Variants in ZNF385D observed in about 807,000 individuals in gnomAD.
ZNF385D encodes the protein zinc finger protein 659.
A neutral mutation model predicts 35.8 loss-of-function variants in ZNF385D; 15 were observed. That is an observed-to-expected ratio of 0.42 (90% CI 0.28 to 0.64). The LOEUF is 0.64. ZNF385D is among the 30% of genes least tolerant of loss of function. The probability of loss-of-function intolerance (pLI) is 0.23; values close to 1 mark genes in which losing one functional copy is unlikely to be tolerated. For missense variants in ZNF385D, 474 were observed against 494.6 expected, an observed-to-expected ratio of 0.96 and a Z score of 0.39; for synonymous variants, 212 against 186.8, an observed-to-expected ratio of 1.13 and a Z score of -1.10.
upstream of ZNF385D, among the ~76,000 whole-genome samples, chr3:21,754,847 T>C (rs2070269891): frequency 6.6e-6 from 1 of 152,200 alleles, no homozygotes; most frequent in Non-Finnish European, 1.5e-5. Flanking sequence ...CATTATACAA[T>C]AAATATTTGT....
chr3:21,640,246 T>C (rs1228697775), intron 2 of ZNF385D, among the ~76,000 whole-genome samples: 1 of 152,076 alleles, frequency 6.6e-6, no homozygotes, highest in Non-Finnish European at 1.5e-5. Context: ...TGGGCCTTGT[T>C]CTTTGGTTCC....
chr3:22,136,052 G>A (rs114983259), intron 3 of ZNF385D, among the ~76,000 whole-genome samples: 172 of 152,224 alleles, frequency 1.1e-3, no homozygotes, highest in African/African-American at 4.0e-3. Context: ...GTGACCTAGC[G>A]TTAGTGAAGG....
At chr3:22,114,619 T>C (rs186727097) in intron 3 of ZNF385D, among the ~76,000 whole-genome samples, 82 of 152,214 alleles carry the variant, frequency 5.4e-4, no homozygotes, top group Non-Finnish European at 1.0e-3. Flanking sequence ...TCAATCCCAC[T>C]GGTGGCCATT....
chr3:22,032,767 T>G (rs1248569476), intron 3 of ZNF385D, among the ~76,000 whole-genome samples: 1 of 152,174 alleles, frequency 6.6e-6, no homozygotes, highest in African/African-American at 2.4e-5. Flanking sequence ...TTAATAATAC[T>G]AATGCTTACT....
intron 3 of ZNF385D, among the ~76,000 whole-genome samples, chr3:21,809,072 T>C (rs1051357442): frequency 3.3e-5 from 5 of 152,202 alleles, no homozygotes; most frequent in Non-Finnish European, 7.3e-5. Flanking sequence ...ATTGCTCATC[T>C]TATATAGAAC....
chr3:21,661,765 G>A (rs895916291), intron 2 of ZNF385D, among the ~76,000 whole-genome samples: 1 of 152,072 alleles, frequency 6.6e-6, no homozygotes, highest in Non-Finnish European at 1.5e-5. Context: ...GATCCTGATA[G>A]TCTCATTGAA....
chr3:21,711,330 C>T (rs374164852), intron 1 of ZNF385D, among the ~76,000 whole-genome samples: 2 of 151,982 alleles, frequency 1.3e-5, no homozygotes, highest in African/African-American at 4.8e-5. Flanking sequence ...CATGAGCCAC[C>T]GCGCCCGGCC....
At chr3:22,347,688 T>C (rs1695721465) in intron 2 of ZNF385D, among the ~76,000 whole-genome samples, 1 of 152,192 alleles carries the variant, frequency 6.6e-6, no homozygotes, top group Admixed American at 6.5e-5. Flanking sequence ...TGTTTCACTT[T>C]ATGCATGCCC....
chr3:22,282,221 C>T (rs1172980322), intron 2 of ZNF385D, among the ~76,000 whole-genome samples: 1 of 151,318 alleles, frequency 6.6e-6, no homozygotes, highest in Admixed American at 6.6e-5. Context: ...ATCTGTTGTA[C>T]TGTTTTAATT....
chr3:22,178,627 T>G (rs1694998245), intron 2 of ZNF385D, among the ~76,000 whole-genome samples: 1 of 152,220 alleles, frequency 6.6e-6, no homozygotes, highest in Non-Finnish European at 1.5e-5. Flanking sequence ...TTGCCATTGC[T>G]TTTGGTGTTT....
intron 2 of ZNF385D, among the ~76,000 whole-genome samples, chr3:21,625,316 C>T (rs1354876071): frequency 6.6e-6 from 1 of 151,862 alleles, no homozygotes; most frequent in Admixed American, 6.6e-5. Flanking sequence ...ATGAAATGAT[C>T]CAAAGGAGGA....
At chr3:21,636,406 A>G (rs1354682551) in intron 2 of ZNF385D, among the ~76,000 whole-genome samples, 2 of 43,436 alleles carry the variant, frequency 4.6e-5, no homozygotes, top group African/African-American at 2.0e-4. Context: ...ATATATATAT[A>G]TATATATAGA....
At chr3:21,717,435 T>C (rs2068367251) in intron 1 of ZNF385D, among the ~76,000 whole-genome samples, 1 of 152,160 alleles carries the variant, frequency 6.6e-6, no homozygotes, top group Non-Finnish European at 1.5e-5. Context: ...CTCTCTGAGG[T>C]CCTTGATACA....
chr3:21,812,188 T>A (rs2072949734), intron 3 of ZNF385D, among the ~76,000 whole-genome samples: 1 of 152,082 alleles, frequency 6.6e-6, no homozygotes, highest in Non-Finnish European at 1.5e-5. Flanking sequence ...AAGGGGAAGA[T>A]CTTACAGATT....
rs77788638 is a variant in ZNF385D at position 22,193,557 on chromosome 3, G to T, written c.107-24522C>A. ...TTCCTGTAGAATCTTTACTGTTTTG[G>T]TTTGTATTGTAACTTCAAAATTGAA... On this transcript the variant is annotated intron_variant, in intron 2 of 5. Transcript: ENST00000494108. 4.8e-3 allele frequency among the ~76,000 whole-genome samples: 735 copies of T among 152,036 alleles called. 10 individuals carry two copies. The highest frequency in any genetic ancestry group is 0.017 in the African/African-American group (688 of 41,534).
At chr3:22,244,397 A>G (rs2125318857) in intron 2 of ZNF385D, among the ~76,000 whole-genome samples, 1 of 149,284 alleles carries the variant, frequency 6.7e-6, no homozygotes, top group African/African-American at 2.5e-5. Flanking sequence ...AAAAAATGAA[A>G]ACATAAAACG....
chr3:22,008,581 C>A (rs569562470), intron 3 of ZNF385D, among the ~76,000 whole-genome samples: 24 of 152,254 alleles, frequency 1.6e-4, no homozygotes, highest in African/African-American at 5.8e-4. Flanking sequence ...TGGTCTCGAT[C>A]TCCTGACCTC....
chr3:21,951,030 C>A (rs964202183), intron 3 of ZNF385D, among the ~76,000 whole-genome samples: 1 of 151,666 alleles, frequency 6.6e-6, no homozygotes, highest in Non-Finnish European at 1.5e-5. Flanking sequence ...CCTATATGGG[C>A]TCTTTTTTGG....
At chr3:22,063,073 T>C (rs961620874) in intron 3 of ZNF385D, among the ~76,000 whole-genome samples, 1 of 152,192 alleles carries the variant, frequency 6.6e-6, no homozygotes, top group Admixed American at 6.5e-5. Context: ...TAATTTGTTA[T>C]GCAGCAATGT....
Sources: gnomAD v4.1 joint callset for allele counts (sites outside exome capture counted in the v4.1 genomes callset) on GRCh38, gnomAD v4.1.1 for gene constraint, MANE v1.5 for transcripts, NCBI Gene and HGNC (gene_info 2026-07-23, HGNC 2026-07-21) for gene names.